THSD4: variants seen among roughly 807,000 people sequenced by gnomAD.
The protein encoded by THSD4 is thrombospondin type 1 domain containing 4.
A neutral mutation model predicts 119.0 loss-of-function variants in THSD4; 69 were observed. The observed-to-expected ratio is 0.58, with a 90% CI of 0.48 to 0.71. The LOEUF (loss-of-function observed/expected upper bound fraction) is 0.71. Among genes scored for constraint, THSD4 ranks in the 30% least tolerant of loss-of-function variants. The pLI is 0.00. For synonymous variants in THSD4, 524 were observed against 540.4 expected (o/e 0.97, Z 0.42); for missense variants, 1,393 against 1,391.1 (o/e 1.00, Z -0.02).
At chr15:71,616,903 C>T (rs916677479) in intron 7 of THSD4, among the ~76,000 whole-genome samples, 1 of 152,132 alleles carries the variant, frequency 6.6e-6, no homozygotes, top group Admixed American at 6.5e-5. Context: ...CAAATCTCCT[C>T]GAAAGCTTCA....
chr15:71,496,898 A>G (rs1025421727), intron 7 of THSD4, among the ~76,000 whole-genome samples: 1 of 152,206 alleles, frequency 6.6e-6, no homozygotes, highest in African/African-American at 2.4e-5. Flanking sequence ...TAGCAGCTAA[A>G]AATGAGATCA....
intron 7 of THSD4, among the ~76,000 whole-genome samples, chr15:71,542,876 C>A (rs74502252): frequency 2.4e-4 from 33 of 137,800 alleles, no homozygotes; most frequent in Admixed American, 3.0e-4. Flanking sequence ...GACTCTGTCT[C>A]AAAAAAAAAA....
At chr15:71,638,268 G>T (rs1002427797) in intron 7 of THSD4, among the ~76,000 whole-genome samples, 1 of 152,120 alleles carries the variant, frequency 6.6e-6, no homozygotes. Context: ...GTGAATACAG[G>T]ATTCTCTGGG....
intron 6 of THSD4, among the ~76,000 whole-genome samples, chr15:71,354,653 C>T (rs1385411722): frequency 6.6e-6 from 1 of 152,154 alleles, no homozygotes; most frequent in Non-Finnish European, 1.5e-5. Flanking sequence ...ATTTCTAGCC[C>T]TGCAGTTGCT....
intron 7 of THSD4, among the ~76,000 whole-genome samples, chr15:71,649,184 CTCCCTTTCCTCTCTG>C (rs1367588384): frequency 7.2e-5 from 11 of 152,212 alleles, no homozygotes; most frequent in Admixed American, 5.2e-4. Context: ...AGTTTCTCCT[CTCCCTTTCCTCTCTG>C]TCCCTTTCCT....
chr15:71,398,700 A>G (rs1466273795), intron 6 of THSD4, among the ~76,000 whole-genome samples: 1 of 152,086 alleles, frequency 6.6e-6, no homozygotes, highest in Non-Finnish European at 1.5e-5. Flanking sequence ...GAAGATTGAA[A>G]GCTGGCAGCC....
chr15:71,537,926 C>T (rs984002658), intron 7 of THSD4, among the ~76,000 whole-genome samples: 2 of 151,928 alleles, frequency 1.3e-5, no homozygotes, highest in African/African-American at 4.8e-5. Context: ...CCATGCCCAG[C>T]TAATTTTTGT....
In THSD4 at chr15:71,656,146, C is replaced by T. The variant is rs146865243; in HGVS notation, c.1153-4384C>T. Among the ~76,000 whole-genome samples the T allele has an allele frequency of 4.6e-5, 7 of 152,196 alleles. No individual in the cohort carries two copies. In the East Asian group the frequency reaches 1.4e-3, roughly 29 times the overall value. On this transcript the variant is annotated intron_variant, in intron 7 of 17. Coordinates refer to ENST00000261862, the MANE Select transcript of THSD4 (RefSeq NM_024817.3). ...AGAAAGTCATAGCACGTAATCTATA[C>T]ATGTGATAATAGTTCATGAAACATC...
chr15:71,166,996 C>T (rs930051639), intron 3 of THSD4: 4 of 151,982 alleles, frequency 2.6e-5, no homozygotes, highest in Admixed American at 6.6e-5. Flanking sequence ...ATATAATAAA[C>T]GTGTATTTAT....
intron 6 of THSD4, among the ~76,000 whole-genome samples, chr15:71,280,049 G>C (rs28740469): frequency 0.012 from 1,767 of 152,302 alleles, 37 homozygotes; most frequent in African/African-American, 0.04. Flanking sequence ...TGGTGACTGG[G>C]TGCCTGCTGT....
chr15:71,685,494 C>A (rs914866994), intron 8 of THSD4, among the ~76,000 whole-genome samples: 2 of 151,944 alleles, frequency 1.3e-5, no homozygotes, highest in Non-Finnish European at 1.5e-5. Flanking sequence ...TTTCCCAGAG[C>A]AAAAACATTT....
intron 7 of THSD4, among the ~76,000 whole-genome samples, chr15:71,513,129 A>G (rs2048307407): frequency 6.6e-6 from 1 of 152,176 alleles, no homozygotes; most frequent in Middle Eastern, 3.2e-3. Flanking sequence ...CCAGACATCC[A>G]CACACCACTT....
chr15:71,274,322 A>G (rs963628893), intron 6 of THSD4, among the ~76,000 whole-genome samples: 1 of 152,208 alleles, frequency 6.6e-6, no homozygotes, highest in Non-Finnish European at 1.5e-5. Context: ...ATTGAAATGT[A>G]ACACGCAAGT....
At chr15:71,510,654 A>C (rs1294289505) in intron 7 of THSD4, among the ~76,000 whole-genome samples, 2 of 152,200 alleles carry the variant, frequency 1.3e-5, no homozygotes, top group Non-Finnish European at 2.9e-5. Context: ...GATGGACCTG[A>C]AGACAAACCA....
In THSD4 at chr15:71,580,867, ATG is replaced by A. The variant is rs1028357163; in HGVS notation, c.1153-79653_1153-79652del. On this transcript the variant is annotated intron_variant, in intron 7 of 17. Transcript: ENST00000261862. ...ATAATATTCCATTATATACATATAT[ATG>A]TGTGTGTGTATATATCTACTTATAT... 1.5e-3 allele frequency among the ~76,000 whole-genome samples: 228 copies of A among 152,216 alleles called. 1 individual carries two copies. The highest frequency in any genetic ancestry group is 3.6e-3 in the African/African-American group (149 of 41,556).
chr15:71,306,338 A>AAAAAAAAG (rs1567189160), intron 6 of THSD4, among the ~76,000 whole-genome samples: 8 of 128,000 alleles, frequency 6.3e-5, no homozygotes, highest in African/African-American at 2.2e-4. Flanking sequence ...AAAAAAAAAA[A>AAAAAAAAG]GGGAATGGTA....
At chr15:71,442,660 G>GTATGTATGTATGTATATATATATA (rs1555414328) in intron 7 of THSD4, among the ~76,000 whole-genome samples, 2 of 25,824 alleles carry the variant, frequency 7.7e-5, no homozygotes. Context: ...GTGTGTGTGT[G>GTATGTATGTATGTATATATATATA]TATATATATA....
chr15:71,103,648 C>T (rs1379322049), intron 1 of THSD4, among the ~76,000 whole-genome samples: 1 of 152,108 alleles, frequency 6.6e-6, no homozygotes, highest in Non-Finnish European at 1.5e-5. Flanking sequence ...ACTGCTCCTC[C>T]AGTCAAACAG....
chr15:71,711,791 A>T (rs1422835514), intron 8 of THSD4, among the ~76,000 whole-genome samples: 1 of 152,160 alleles, frequency 6.6e-6, no homozygotes, highest in Non-Finnish European at 1.5e-5. Context: ...AAACAAGGAA[A>T]CATTACCAAG....
Sources: allele counts gnomAD v4.1 joint callset (sites outside exome capture counted in the v4.1 genomes callset), GRCh38; gene constraint gnomAD v4.1.1; transcripts MANE v1.5; gene names NCBI Gene and HGNC (gene_info 2026-07-23, HGNC 2026-07-21).